Variants in BUB1 observed in about 807,000 individuals in gnomAD.
BUB1 encodes BUB1 mitotic checkpoint serine/threonine kinase.
In BUB1, 84 loss-of-function variants were observed where a neutral mutation model predicts 135.2. The observed-to-expected ratio is 0.62, with a 90% CI of 0.52 to 0.74. BUB1 has a LOEUF of 0.74. Ranked by LOEUF, BUB1 falls within the 30% of genes least tolerant of loss-of-function variation. BUB1 has a pLI of 0.00. For missense variants in BUB1, 1,162 were observed against 1,288.3 expected, an observed-to-expected ratio of 0.90 and a Z score of 1.50; for synonymous variants, 403 against 434.4, an observed-to-expected ratio of 0.93 and a Z score of 0.90.
chr2:110,638,418 TTC>T (rs974240188), intron 24 of BUB1, among the ~76,000 whole-genome samples: 6 of 152,160 alleles, frequency 3.9e-5, no homozygotes, highest in African/African-American at 1.2e-4. Flanking sequence ...TCAAAAAATT[TTC>T]TCTCTCTCCC....
intron 13 of BUB1, among the ~76,000 whole-genome samples, 155 bp downstream of exon 13, chr2:110,658,255 C>T (rs1173507632): frequency 6.6e-6 from 1 of 151,700 alleles, no homozygotes; most frequent in Admixed American, 6.6e-5. Flanking sequence ...ACATTGAGTA[C>T]CTTGTCAAGA....
Position 110,653,427 on chromosome 2 carries a change from T to C in BUB1, c.1964+9A>G. 6.2e-7 allele frequency: 1 copy of C among 1,611,700 alleles called. No individual in the cohort carries two copies. The highest frequency in any genetic ancestry group is 8.5e-7 in the Non-Finnish European group (1 of 1,178,020). On this transcript the variant is annotated intron_variant, in intron 17 of 24. Transcript: ENST00000302759. ...GAGAATGGCAGAACCAAATAAACCC[T>C]CACAATACCTGAATTTTCCATCCCT...
chr2:110,644,478 C>CAAA (rs57312823), intron 19 of BUB1, among the ~76,000 whole-genome samples: 41 of 63,154 alleles, frequency 6.5e-4, no homozygotes, highest in South Asian at 4.8e-3. Flanking sequence ...AACCCCGTCT[C>CAAA]AAAAAAAAAA....
chr2:110,675,467 T>C (rs937500220), intron 1 of BUB1, among the ~76,000 whole-genome samples: 1 of 151,908 alleles, frequency 6.6e-6, no homozygotes, highest in Non-Finnish European at 1.5e-5. Context: ...GTGGTTCAAG[T>C]GTGATGAGCA....
chr2:110,654,905 T>C (rs947399132), intron 16 of BUB1, among the ~76,000 whole-genome samples: 7 of 152,100 alleles, frequency 4.6e-5, no homozygotes, highest in Non-Finnish European at 8.8e-5. Flanking sequence ...GCAATGATAG[T>C]TAGTATACAG....
chr2:110,663,495 A>G (rs2104546044), intron 9 of BUB1, among the ~76,000 whole-genome samples: 2 of 152,364 alleles, frequency 1.3e-5, no homozygotes, highest in East Asian at 3.9e-4. Flanking sequence ...TCCTGATGCT[A>G]TTCATACAGA....
intron 15 of BUB1, among the ~76,000 whole-genome samples, chr2:110,656,499 G>T (rs952574990): frequency 5.9e-5 from 9 of 152,098 alleles, no homozygotes; most frequent in African/African-American, 2.2e-4. Context: ...ACACAGTTTG[G>T]GCTTATTTGA....
intron 8 of BUB1, 86 bp from the exon 9 acceptor site, chr2:110,666,500 T>C (rs1441320300): frequency 1.0e-5 from 11 of 1,087,038 alleles, no homozygotes; most frequent in African/African-American, 1.6e-5. Context: ...AAGGGTTATA[T>C]TTTAGGGGGC....
At chr2:110,644,312 C>T (rs1475421399) in intron 19 of BUB1, among the ~76,000 whole-genome samples, 1 of 151,308 alleles carries the variant, frequency 6.6e-6, no homozygotes, top group Admixed American at 6.6e-5. Context: ...CCCATCTCTA[C>T]AAAAAATACA....
chr2:110,655,171 G>T (rs749584745), intron 16 of BUB1, among the ~76,000 whole-genome samples: 1 of 152,092 alleles, frequency 6.6e-6, no homozygotes, highest in Non-Finnish European at 1.5e-5. Context: ...GATTTGAAAC[G>T]GTAGAAATAA....
At chr2:110,649,008 T>A (rs1364034513) in intron 19 of BUB1, 1 of 359,606 alleles carries the variant, frequency 2.8e-6, no homozygotes, top group Non-Finnish European at 5.0e-6. Context: ...TTAATAGATA[T>A]TGGCAAATTG....
chr2:110,658,665 T>C lies in BUB1; in HGVS notation c.1354A>G (p.Thr452Ala). The change falls in exon 12 of 25, where the codon ACG becomes GCG. Residue 452 changes from threonine (T) to alanine (A), a missense_variant. Physicochemically the swap from Thr to Ala is moderately conservative, Grantham distance 58 (BLOSUM62 0). Transcript: ENST00000302759. ...GGTGATGGCTGCACTTTGGATGGCGTTGCCTGAACCATTCCCAGTGATGTG... is the reference window on the plus strand; with the variant it reads ...GGTGATGGCTGCACTTTGGATGGCGCTGCCTGAACCATTCCCAGTGATGTG... ...PNTSLGMVQA[T>A]PSKVQPSPTV... is the part of the protein sequence containing the mutation. 6.2e-7 allele frequency: 1 copy of C among 1,614,212 alleles called. No homozygotes were observed. The highest frequency in any genetic ancestry group is 8.5e-7 in the Non-Finnish European group (1 of 1,180,030).
chr2:110,673,797 C>A (rs1183344732), intron 3 of BUB1, among the ~76,000 whole-genome samples: 2 of 152,076 alleles, frequency 1.3e-5, no homozygotes, highest in African/African-American at 4.8e-5. Flanking sequence ...CAGGATTTTA[C>A]CACGTTGGCC....
In BUB1 at chr2:110,661,722, A is replaced by G. The variant is rs1243235749; in HGVS notation, c.1077T>C (p.Pro359=). The change falls in exon 10 of 25, where the codon CCT becomes CCC. Residue 359 remains proline (P), a synonymous_variant. Transcript: ENST00000302759. The part of the protein sequence containing the change: ...VNMEKNPREA[P]PVVPPLANAI... ...CATTTGCCAAAGGAGGAACAACAGG[A>G]GGTGCCTCTCTTGGGTTCTTTTCCA... 1 of 1,614,194 alleles carries G rather than the reference A, an allele frequency of 6.2e-7. No individual in the cohort carries two copies. The highest frequency in any genetic ancestry group is 1.3e-5 in the African/African-American group (1 of 75,048).
chr2:110,638,193 T>C (rs1689413592), intron 24 of BUB1, 34 bp from the exon 25 acceptor site: 2 of 1,529,174 alleles, frequency 1.3e-6, no homozygotes, highest in Admixed American at 2.0e-5. Flanking sequence ...ATGGCTAAAA[T>C]GTAGCCTTCA....
In BUB1 at chr2:110,641,325, T is replaced by C. The variant is rs201288555; in HGVS notation, c.2765A>G (p.Asn922Ser). The change falls in exon 22 of 25, where the codon AAT (asparagine) becomes AGT (serine). Residue 922 changes from asparagine (N) to serine (S), a missense_variant. By Grantham distance (46) the Asn-to-Ser change is conservative. Coordinates refer to ENST00000302759, the MANE Select transcript of BUB1 (RefSeq NM_004336.5). Reference sequence around the variant, plus strand: ...CACTTGCCCGTTTCCAAGTATGAAATTGTCTGGTTTAATGTCTCCATGAAT... The same window carrying C: ...CACTTGCCCGTTTCCAAGTATGAAACTGTCTGGTTTAATGTCTCCATGAAT... Reference protein sequence around the residue: ...EIIHGDIKPDNFILGNGFLEQ... With the variant: ...EIIHGDIKPDSFILGNGFLEQ... 5.0e-6 allele frequency: 8 copies of C among 1,608,424 alleles called. No homozygotes were observed. The African/African-American group carries it at 5.3e-5, about 11-fold the overall frequency.
intron 19 of BUB1, among the ~76,000 whole-genome samples, chr2:110,644,903 TAAA>T (rs1295874120): frequency 6.6e-6 from 1 of 151,966 alleles, no homozygotes; most frequent in South Asian, 2.1e-4. Flanking sequence ...GTTAACCACT[TAAA>T]AAAATTTTAA....
chr2:110,639,707 T>C (rs1193269412), intron 24 of BUB1, 35 bp downstream of exon 24: 1 of 1,496,198 alleles, frequency 6.7e-7, no homozygotes, highest in Non-Finnish European at 9.3e-7. Context: ...CTTTAGTTAT[T>C]CTCTTTTCAC....
Position 110,667,798 on chromosome 2 carries a change from T to C in BUB1, c.619A>G (p.Met207Val). Residue 207 changes from methionine to valine, a missense_variant and splice_region_variant, in exon 7 of 25, where the codon ATG becomes GTG. Coordinates refer to ENST00000302759, the MANE Select transcript of BUB1 (RefSeq NM_004336.5). ...ISSACDKESN[M>V]ERRVITISKS... is the part of the protein sequence containing the mutation. ...GATTAATGCACTGATTATACTTGCA[T>C]ATTTGACTCTTTATCACAAGCTGAA... The C allele has an allele frequency of 1.2e-6, 2 of 1,613,340 alleles. No homozygotes were observed. Among genetic ancestry groups the C allele is most frequent in the Non-Finnish European group, 1.7e-6 (2 of 1,179,766 alleles).
Sources: allele counts gnomAD v4.1 joint callset (sites outside exome capture counted in the v4.1 genomes callset), GRCh38; gene constraint gnomAD v4.1.1; transcripts MANE v1.5; gene names NCBI Gene and HGNC (gene_info 2026-07-23, HGNC 2026-07-21).